Variants in BRINP3 observed in about 807,000 individuals in gnomAD.
BRINP3 encodes BMP/retinoic acid-inducible neural-specific protein 3.
A neutral mutation model predicts 71.0 loss-of-function variants in BRINP3; 19 were observed. That is an observed-to-expected ratio of 0.27 (90% CI 0.19 to 0.39). The LOEUF (loss-of-function observed/expected upper bound fraction) is 0.39. BRINP3 is among the 10% of genes least tolerant of loss of function. The pLI is 1.00. For synonymous variants in BRINP3, 380 were observed against 337.7 expected, an observed-to-expected ratio of 1.13 and a Z score of -1.37; for missense variants, 959 against 940.8, an observed-to-expected ratio of 1.02 and a Z score of -0.25.
chr1:190,329,805 T>C (rs1666848355), intron 2 of BRINP3, among the ~76,000 whole-genome samples: 1 of 151,912 alleles, frequency 6.6e-6, no homozygotes, highest in South Asian at 2.1e-4. Flanking sequence ...AACAGACTAA[T>C]GGAACAGGTT....
chr1:190,312,094 T>C (rs1490463981), intron 2 of BRINP3, among the ~76,000 whole-genome samples: 1 of 133,002 alleles, frequency 7.5e-6, no homozygotes, highest in Non-Finnish European at 1.6e-5. Context: ...TAAGGTCACC[T>C]TGTAGATAAA....
chr1:190,177,096 T>C (rs1213689276), intron 6 of BRINP3, among the ~76,000 whole-genome samples: 1 of 150,296 alleles, frequency 6.7e-6, no homozygotes, highest in Non-Finnish European at 1.5e-5. Context: ...AATTGACTAC[T>C]AGGCCAAAAT....
Position 190,157,423 on chromosome 1 carries a change from T to G in BRINP3, c.1184+3245A>C, listed in dbSNP as rs184982670. The stretch of plus-strand genomic sequence containing the variant: ...AACCAATGATTGCCGTTCCTTGAGA[T>G]TGGATTCCCTGAGATTGTCCAAATC... On this transcript the variant is annotated intron_variant, in intron 7 of 7. Coordinates refer to ENST00000367462, the MANE Select transcript of BRINP3 (RefSeq NM_199051.3). 1.3e-4 allele frequency among the ~76,000 whole-genome samples: 20 copies of G among 152,130 alleles called. No homozygotes were observed. In the East Asian group the frequency reaches 3.5e-3, roughly 27 times the overall value.
At chr1:190,465,696 G>A (rs899236189) in intron 1 of BRINP3, among the ~76,000 whole-genome samples, 1 of 151,782 alleles carries the variant, frequency 6.6e-6, no homozygotes, top group African/African-American at 2.4e-5. Flanking sequence ...TTCTTGTTGA[G>A]TTCAGAGTTG....
At chr1:190,375,876 A>G (rs1252334251) in intron 2 of BRINP3, among the ~76,000 whole-genome samples, 5 of 151,918 alleles carry the variant, frequency 3.3e-5, no homozygotes, top group African/African-American at 9.7e-5. Context: ...TTGTTTTTCC[A>G]TTTTCTATAA....
In BRINP3 at chr1:190,339,410, G is replaced by C. The variant is rs181010587; in HGVS notation, c.237-57660C>G. Among the ~76,000 whole-genome samples, 4 of 152,098 alleles carry C rather than the reference G, an allele frequency of 2.6e-5. No homozygotes were observed. The East Asian group carries it at 7.8e-4, about 29-fold the overall frequency. On this transcript the variant is annotated intron_variant, in intron 2 of 7. Transcript: ENST00000367462. ...ACATCTTTCTACAGTATCTGTACAA[G>C]CTGCACTAGAATCACATCTCAGTTC...
intron 6 of BRINP3, among the ~76,000 whole-genome samples, chr1:190,163,042 T>C (rs958886251): frequency 1.3e-5 from 2 of 152,138 alleles, no homozygotes; most frequent in Admixed American, 1.3e-4. Context: ...CTTCAGTATC[T>C]GAAATTCACT....
rs144456535 is a variant in BRINP3, at chr1:190,335,963, T to C, written c.237-54213A>G. ...GTGATCCCCAACAGTAAAAAGATTATAAGGTAGTGTGGTAAGCCTATCAGT... is the reference window on the plus strand; with the variant it reads ...GTGATCCCCAACAGTAAAAAGATTACAAGGTAGTGTGGTAAGCCTATCAGT... On this transcript the variant is annotated intron_variant, in intron 2 of 7. Coordinates refer to ENST00000367462, the MANE Select transcript of BRINP3 (RefSeq NM_199051.3). Among the ~76,000 whole-genome samples the C allele has an allele frequency of 6.6e-3, 1,000 of 152,110 alleles. 5 individuals are homozygous for C. Among genetic ancestry groups the C allele is most frequent in the African/African-American group, 0.021 (889 of 41,552 alleles).
intron 4 of BRINP3, among the ~76,000 whole-genome samples, chr1:190,257,263 TCC>T (rs1386266443): frequency 1.3e-5 from 2 of 152,216 alleles, no homozygotes; most frequent in Non-Finnish European, 2.9e-5. Context: ...TACCCTTTCT[TCC>T]ACTTGATCAA....
At chr1:190,272,604 G>A (rs1662204518) in intron 3 of BRINP3, among the ~76,000 whole-genome samples, 1 of 151,326 alleles carries the variant, frequency 6.6e-6, no homozygotes, top group Admixed American at 6.6e-5. Flanking sequence ...ATTTTCATAA[G>A]CTAGGATTTC....
At chr1:190,328,399 C>CA (rs2103072158) in intron 2 of BRINP3, among the ~76,000 whole-genome samples, 1 of 152,074 alleles carries the variant, frequency 6.6e-6, no homozygotes, top group Admixed American at 6.6e-5. Flanking sequence ...CACAGAAATA[C>CA]AAAAGATCCT....
chr1:190,301,809 AC>A (rs1222163184), intron 2 of BRINP3, among the ~76,000 whole-genome samples: 2 of 151,978 alleles, frequency 1.3e-5, no homozygotes, highest in Non-Finnish European at 2.9e-5. Flanking sequence ...GGACAGTAAA[AC>A]CAAGCATTAT....
chr1:190,099,640 G>T (rs1442604351), intron 7 of BRINP3, among the ~76,000 whole-genome samples: 1 of 152,054 alleles, frequency 6.6e-6, no homozygotes, highest in African/African-American at 2.4e-5. Flanking sequence ...GAAAGTAAAA[G>T]AAAAATGAAA....
intron 7 of BRINP3, among the ~76,000 whole-genome samples, chr1:190,158,827 T>C (rs535029792): frequency 1.4e-4 from 20 of 143,488 alleles, no homozygotes; most frequent in African/African-American, 5.2e-4. Flanking sequence ...AAAATGAAAA[T>C]GAGGTTGAAA....
chr1:190,219,351 T>C (rs1484074546), intron 6 of BRINP3, among the ~76,000 whole-genome samples: 2 of 152,018 alleles, frequency 1.3e-5, no homozygotes, highest in South Asian at 2.1e-4. Flanking sequence ...CAGTGATCTC[T>C]AAGATAACAC....
chr1:190,250,839 G>A (rs1327245786), intron 4 of BRINP3, among the ~76,000 whole-genome samples: 2 of 151,906 alleles, frequency 1.3e-5, no homozygotes, highest in Admixed American at 6.6e-5. Context: ...AAATTCACCA[G>A]ATAACTTAGC....
At chr1:190,187,207 C>T (rs1484920871) in intron 6 of BRINP3, among the ~76,000 whole-genome samples, 1 of 151,884 alleles carries the variant, frequency 6.6e-6, no homozygotes, top group African/African-American at 2.4e-5. Flanking sequence ...TCCCTTTTTC[C>T]CAATTTTAAA....
At chr1:190,371,808 G>A (rs1213167390) in intron 2 of BRINP3, among the ~76,000 whole-genome samples, 2 of 152,034 alleles carry the variant, frequency 1.3e-5, no homozygotes, top group Non-Finnish European at 2.9e-5. Flanking sequence ...TAATCCAGGG[G>A]CATCTGGCAT....
At chr1:190,183,701 TAGA>T (rs1448041709) in intron 6 of BRINP3, among the ~76,000 whole-genome samples, 2 of 151,312 alleles carry the variant, frequency 1.3e-5, no homozygotes, top group East Asian at 2.1e-4. Context: ...GACTTTCCAG[TAGA>T]AGTTCTTTGT....
Sources: allele counts gnomAD v4.1 joint callset (sites outside exome capture counted in the v4.1 genomes callset), GRCh38; gene constraint gnomAD v4.1.1; transcripts MANE v1.5; gene names NCBI Gene and HGNC (gene_info 2026-07-23, HGNC 2026-07-21).